The following PCSK6 variants were observed in gnomAD, a reference collection of about 807,000 sequenced individuals.
PCSK6 encodes paired basic amino acid cleaving enzyme 4.
Under a neutral mutation model 123.3 loss-of-function variants are expected in PCSK6, and 85 were observed. The observed-to-expected ratio is 0.69, with a 90% confidence interval of 0.58 to 0.83. The LOEUF is 0.83. PCSK6 is among the 40% of genes least tolerant of loss of function. PCSK6 has a pLI of 0.00. For synonymous variants in PCSK6, 508 were observed against 516.0 expected, an observed-to-expected ratio of 0.98 and a Z score of 0.21; for missense variants, 1,191 against 1,282.3, an observed-to-expected ratio of 0.93 and a Z score of 1.09.
intron 1 of PCSK6, among the ~76,000 whole-genome samples, chr15:101,453,390 C>T (rs1021094178): frequency 3.9e-5 from 6 of 152,160 alleles, no homozygotes; most frequent in African/African-American, 1.4e-4. Context: ...TGGATTTGAG[C>T]CACATCTCCC....
intron 6 of PCSK6, among the ~76,000 whole-genome samples, chr15:101,399,738 C>T (rs981702205): frequency 7.9e-5 from 12 of 152,036 alleles, no homozygotes; most frequent in African/African-American, 2.4e-4. Context: ...TACAGAAAGT[C>T]GACTTCTCTG....
At chr15:101,320,694 T>C (rs2040100137) in intron 18 of PCSK6, among the ~76,000 whole-genome samples, 1 of 152,206 alleles carries the variant, frequency 6.6e-6, no homozygotes, top group African/African-American at 2.4e-5. Flanking sequence ...AAACCTTTCC[T>C]GTGTTGATCC....
chr15:101,469,449 A>G (rs980009008), intron 1 of PCSK6, among the ~76,000 whole-genome samples: 12 of 152,234 alleles, frequency 7.9e-5, no homozygotes, highest in African/African-American at 2.9e-4. Context: ...AGATGCCGAC[A>G]TGGGTGAAGT....
intron 1 of PCSK6, among the ~76,000 whole-genome samples, chr15:101,459,994 G>A (rs1001997286): frequency 2.0e-5 from 3 of 152,170 alleles, no homozygotes; most frequent in Non-Finnish European, 4.4e-5. Flanking sequence ...AGAGATGTGC[G>A]TTAGGTTCTG....
intron 20 of PCSK6, among the ~76,000 whole-genome samples, chr15:101,310,170 C>T (rs891759826): frequency 1.9e-4 from 29 of 151,860 alleles, no homozygotes; most frequent in African/African-American, 6.3e-4. Context: ...CTTTGGGAGG[C>T]GTCCACACTG....
At chr15:101,469,137 T>C (rs1250741974) in intron 1 of PCSK6, among the ~76,000 whole-genome samples, 2 of 152,098 alleles carry the variant, frequency 1.3e-5, no homozygotes, top group Non-Finnish European at 2.9e-5. Flanking sequence ...ATTTGACTAT[T>C]ACAGGGAGAA....
At chr15:101,440,162 T>G (rs770687912) in intron 2 of PCSK6, among the ~76,000 whole-genome samples, 4 of 152,230 alleles carry the variant, frequency 2.6e-5, no homozygotes, top group Non-Finnish European at 5.9e-5. Flanking sequence ...TGCTTTCAGT[T>G]TGCTTAAATG....
chr15:101,352,227 A>C (rs2040911686), intron 13 of PCSK6, among the ~76,000 whole-genome samples: 1 of 140,406 alleles, frequency 7.1e-6, no homozygotes. Context: ...AGCTCACTGC[A>C]AGCTCTGCCT....
chr15:101,348,878 T>C (rs1227479211), intron 13 of PCSK6, among the ~76,000 whole-genome samples: 2 of 152,174 alleles, frequency 1.3e-5, no homozygotes, highest in Non-Finnish European at 2.9e-5. Context: ...GGAGCTCCAG[T>C]GTCTGCGGCA....
intron 6 of PCSK6, among the ~76,000 whole-genome samples, chr15:101,405,508 C>G (rs982862318): frequency 6.6e-6 from 1 of 152,132 alleles, no homozygotes; most frequent in African/African-American, 2.4e-5. Context: ...GGGAACCAAT[C>G]CCCCCACTGA....
intron 9 of PCSK6, among the ~76,000 whole-genome samples, chr15:101,385,130 C>T (rs990393665): frequency 6.6e-6 from 1 of 152,144 alleles, no homozygotes; most frequent in Non-Finnish European, 1.5e-5. Context: ...AGTCTTCCTA[C>T]CTCAGCCTCC....
chr15:101,479,896 A>AG (rs2057829548), intron 1 of PCSK6, among the ~76,000 whole-genome samples: 1 of 152,306 alleles, frequency 6.6e-6, no homozygotes, highest in African/African-American at 2.4e-5. Context: ...GGGTCCTCCC[A>AG]GGGGGACAGT....
rs2058130581 is a variant in PCSK6 at position 101,489,689 on chromosome 15, C to A, written c.-19G>T. On this transcript the variant is annotated 5_prime_UTR_variant, in exon 1 of 22. Coordinates refer to ENST00000611716, the MANE Select transcript of PCSK6 (RefSeq NM_002570.5). ...GAGGCATAGCGGCGACAGGCTCGCG[C>A]GGCGCCCGAGCTGCGAGTGCGCCGG... The A allele has an allele frequency of 1.0e-6, 1 of 969,134 alleles. No individual in the cohort carries two copies. The highest frequency in any genetic ancestry group is 5.3e-4 in the Middle Eastern group (1 of 1,890). The allele number at this position is 969,134 out of a possible 1,614,324, so 60.0% of individuals were successfully genotyped here. A position where few individuals can be genotyped will look rare whatever the true frequency, so the allele number is the denominator to read the frequency against.
rs1030837324 is a variant in PCSK6, at chr15:101,331,570, C to A, written c.2077+81G>T. On this transcript the variant is annotated intron_variant, in intron 15 of 21. Transcript: ENST00000611716. ...GTGGCTAACTTACCAGGGGGCAAGA[C>A]CCCATTCTGGTTGGGCATATAGACC... is the stretch of plus-strand genomic sequence containing the variant. The A allele has an allele frequency of 3.0e-6, 4 of 1,335,112 alleles. No homozygotes were observed. In the Admixed American group the frequency reaches 7.5e-5, roughly 25 times the overall value. 82.7% of individuals were successfully genotyped at this position (1,335,112 alleles called of 1,614,324 possible).
chr15:101,421,153 G>C (rs1317957052), intron 6 of PCSK6, among the ~76,000 whole-genome samples: 1 of 152,064 alleles, frequency 6.6e-6, no homozygotes, highest in Non-Finnish European at 1.5e-5. Flanking sequence ...CACCATGTTG[G>C]CAGGCTGTTC....
intron 1 of PCSK6, among the ~76,000 whole-genome samples, chr15:101,450,801 G>T (rs563373224): frequency 7.0e-4 from 107 of 152,224 alleles, no homozygotes; most frequent in African/African-American, 2.4e-3. Context: ...TGTGAGGTCG[G>T]GAGGAGGCTA....
intron 2 of PCSK6, among the ~76,000 whole-genome samples, chr15:101,442,833 T>C (rs965712245): frequency 3.3e-5 from 5 of 152,158 alleles, no homozygotes; most frequent in Non-Finnish European, 7.3e-5. Flanking sequence ...CTGTGACATA[T>C]CACATATTTT....
chr15:101,371,821 G>A (rs887566861), intron 11 of PCSK6, among the ~76,000 whole-genome samples: 2 of 152,334 alleles, frequency 1.3e-5, no homozygotes, highest in Admixed American at 1.3e-4. Flanking sequence ...TGCTGATCGA[G>A]GGTGCCAAGC....
At chr15:101,326,907 G>A (rs534764439) in intron 15 of PCSK6, among the ~76,000 whole-genome samples, 3 of 152,330 alleles carry the variant, frequency 2.0e-5, no homozygotes, top group Admixed American at 2.0e-4. Context: ...AACACAAGAG[G>A]GGGTGCTGAG....
Sources: allele counts gnomAD v4.1 joint callset (sites outside exome capture counted in the v4.1 genomes callset), GRCh38; gene constraint gnomAD v4.1.1; transcripts MANE v1.5; gene names NCBI Gene and HGNC (gene_info 2026-07-23, HGNC 2026-07-21).